The following COL9A1 variants were observed in gnomAD, a reference collection of about 807,000 sequenced individuals.
The protein encoded by COL9A1 is collagen type IX alpha 1 chain.
COL9A1 carries 104 observed loss-of-function variants against 142.6 expected under a neutral mutation model. That is an observed-to-expected ratio of 0.73 (90% confidence interval 0.62 to 0.86). The LOEUF (loss-of-function observed/expected upper bound fraction) is 0.86, where lower values mean the gene tolerates loss of function less well. Among genes scored for constraint, COL9A1 ranks in the 40% least tolerant of loss-of-function variants. The pLI, the probability that COL9A1 is intolerant of heterozygous loss-of-function variation, is 0.00. For missense variants in COL9A1, 1,210 were observed against 1,176.6 expected, an observed-to-expected ratio of 1.03 and a Z score of -0.42; for synonymous variants, 466 against 396.0, an observed-to-expected ratio of 1.18 and a Z score of -2.10.
At chr6:70,248,008 G>A (rs530015947) in intron 28 of COL9A1, among the ~76,000 whole-genome samples, 50 of 152,282 alleles carry the variant, frequency 3.3e-4, no homozygotes, top group Non-Finnish European at 5.4e-4. Context: ...TGTACACAAG[G>A]AACGTATCAT....
At chr6:70,267,468 G>A (rs1024166587) in intron 17 of COL9A1, among the ~76,000 whole-genome samples, 38 of 152,064 alleles carry the variant, frequency 2.5e-4, no homozygotes, top group African/African-American at 8.4e-4. Flanking sequence ...GATTACAGGC[G>A]TGTGCCACTA....
At chr6:70,285,728 T>C (rs1237032708) in intron 5 of COL9A1, among the ~76,000 whole-genome samples, 1 of 152,240 alleles carries the variant, frequency 6.6e-6, no homozygotes, top group Non-Finnish European at 1.5e-5. Context: ...AAGTTTGTTT[T>C]AAATCTACTA....
chr6:70,249,414 C>T (rs1397672050), intron 28 of COL9A1, among the ~76,000 whole-genome samples: 2 of 152,012 alleles, frequency 1.3e-5, no homozygotes, highest in African/African-American at 4.8e-5. Context: ...CTAGCCCAGC[C>T]CAAGTTGCAG....
In COL9A1 at chr6:70,216,968, C is replaced by T. The variant is rs770502831; in HGVS notation, c.2695G>A (p.Gly899Ser). The T allele has an allele frequency of 2.2e-5, 36 of 1,614,048 alleles. No individual in the cohort carries two copies. Among genetic ancestry groups the T allele is most frequent in the Non-Finnish European group, 2.6e-5 (31 of 1,179,994 alleles). The change falls in exon 38 of 38, where the codon GGT becomes AGT. Residue 899 changes from glycine to serine, a missense_variant. Coordinates refer to ENST00000357250, the MANE Select transcript of COL9A1 (RefSeq NM_001851.6). ...PGPPGPPGLP[G>S]FCEPASCTMQ... ...GTGCAGGAGGCTGGCTCACAGAAACCGGGAAGCCCAGGAGGTCCCGGGGGT... is the reference window on the plus strand; with the variant it reads ...GTGCAGGAGGCTGGCTCACAGAAACTGGGAAGCCCAGGAGGTCCCGGGGGT...
At chr6:70,240,808 A>G in intron 31 of COL9A1, 75 bp from the exon 32 acceptor site, 1 of 1,089,626 alleles carries the variant, frequency 9.2e-7, no homozygotes, top group Admixed American at 1.7e-5. Context: ...AAACATTGAT[A>G]AGCATTCATA....
chr6:70,215,951 C>T (rs1768477256), downstream of COL9A1: 1 of 113,656 alleles, frequency 8.8e-6, no homozygotes, highest in South Asian at 2.9e-4. Context: ...ACGCATCTGT[C>T]ACAGGGTAAC....
intron 10 of COL9A1, chr6:70,280,410 C>A (rs1773070220): frequency 1.7e-6 from 2 of 1,187,094 alleles, no homozygotes. Context: ...AGAGCAAGGG[C>A]GAAGGCTAGC....
chr6:70,251,370 C>A (rs534440637), intron 28 of COL9A1, among the ~76,000 whole-genome samples: 3 of 152,138 alleles, frequency 2.0e-5, no homozygotes, highest in South Asian at 2.1e-4. Context: ...CATAGCAAGA[C>A]CCCATCTCTA....
chr6:70,259,246 A>T (rs950455035), intron 20 of COL9A1, among the ~76,000 whole-genome samples: 1 of 152,210 alleles, frequency 6.6e-6, no homozygotes, highest in Non-Finnish European at 1.5e-5. Flanking sequence ...TTGAGCATGT[A>T]CAACGTACAA....
At chr6:70,273,855 A>G (rs1388448257) in intron 12 of COL9A1, 192 bp downstream of exon 12, 1 of 264,092 alleles carries the variant, frequency 3.8e-6, no homozygotes, top group Non-Finnish European at 7.0e-6. Flanking sequence ...CATAGTAGAA[A>G]TGCTTACCAT....
intron 18 of COL9A1, among the ~76,000 whole-genome samples, chr6:70,265,298 A>G (rs1169209682): frequency 6.6e-6 from 1 of 152,110 alleles, no homozygotes; most frequent in African/African-American, 2.4e-5. Flanking sequence ...AATTCCCCAA[A>G]GGAAAGCATC....
At chr6:70,280,155 C>G (rs1289905431) in intron 10 of COL9A1, 9 of 569,654 alleles carry the variant, frequency 1.6e-5, no homozygotes, top group Non-Finnish European at 2.4e-5. Context: ...TGTGGGTAAA[C>G]TGGAGAAAGC....
chr6:70,261,190 GC>G (rs1771662558), intron 19 of COL9A1: 1 of 161,234 alleles, frequency 6.2e-6, no homozygotes, highest in Non-Finnish European at 1.4e-5. Flanking sequence ...AGGAGCTGGA[GC>G]CTCCATCAAT....
intron 18 of COL9A1, among the ~76,000 whole-genome samples, chr6:70,263,551 T>C (rs1771827395): frequency 6.6e-6 from 1 of 151,998 alleles, no homozygotes; most frequent in Non-Finnish European, 1.5e-5. Flanking sequence ...TTAGATGTTA[T>C]TCTTTCAAAG....
chr6:70,256,945 A>G (rs949134183), intron 20 of COL9A1, 124 bp from the exon 21 acceptor site: 67 of 821,580 alleles, frequency 8.2e-5, no homozygotes, highest in Non-Finnish European at 1.2e-4. Flanking sequence ...TAATACACAC[A>G]GTGATCCCTG....
At chr6:70,286,768 CG>C (rs1374284833) in intron 5 of COL9A1, among the ~76,000 whole-genome samples, 1 of 152,142 alleles carries the variant, frequency 6.6e-6, no homozygotes, top group Non-Finnish European at 1.5e-5. Flanking sequence ...AGACTAAACC[CG>C]GCTGTTCCAG....
At chr6:70,255,834 G>A (rs985390596) in intron 21 of COL9A1, among the ~76,000 whole-genome samples, 4 of 49,046 alleles carry the variant, frequency 8.2e-5, no homozygotes, top group Non-Finnish European at 2.2e-4. Flanking sequence ...GTTGATATAC[G>A]TGATATACGC....
At chr6:70,246,858 G>T (rs1034138746) in intron 28 of COL9A1, among the ~76,000 whole-genome samples, 2 of 152,156 alleles carry the variant, frequency 1.3e-5, no homozygotes, top group African/African-American at 4.8e-5. Context: ...ATTTTGCCAT[G>T]CATCTGGTAA....
rs1190327569 is a variant in COL9A1 at position 70,274,932 on chromosome 6, G to C, written c.976-160C>G. ...TACCTTACTATAGTCTTACTCAAAAGTAAAGATTAACAGAAGATCTGCCTG... is the reference window on the plus strand; with the variant it reads ...TACCTTACTATAGTCTTACTCAAAACTAAAGATTAACAGAAGATCTGCCTG... On this transcript the variant is annotated intron_variant, in intron 10 of 37. Coordinates refer to ENST00000357250, the MANE Select transcript of COL9A1 (RefSeq NM_001851.6). 5 of 627,986 alleles carry C rather than the reference G, an allele frequency of 8.0e-6. No homozygotes were observed. In the African/African-American group the frequency reaches 9.2e-5, roughly 12 times the overall value. The allele number at this position is 627,986 out of a possible 1,614,324, so 38.9% of individuals were successfully genotyped here.
Sources: gnomAD v4.1 joint callset for allele counts (sites outside exome capture counted in the v4.1 genomes callset) on GRCh38, gnomAD v4.1.1 for gene constraint, MANE v1.5 for transcripts, NCBI Gene and HGNC (gene_info 2026-07-23, HGNC 2026-07-21) for gene names.